FHIT: variants seen among roughly 807,000 people sequenced by gnomAD.
The protein encoded by FHIT is fragile histidine triad diadenosine triphosphatase, also known as bis(5'-adenosyl)-triphosphatase.
In FHIT, 19 loss-of-function variants were observed where a neutral mutation model predicts 17.9. The ratio of observed to expected loss-of-function variants is 1.06; its 90% CI spans 0.74 to 1.56. FHIT has a LOEUF of 1.56. Among genes scored for constraint, FHIT ranks in the 40% most tolerant of loss-of-function variants. FHIT has a pLI of 0.00. For missense variants in FHIT, 248 were observed against 189.2 expected (o/e 1.31, Z -1.82); for synonymous variants, 81 against 69.7 (o/e 1.16, Z -0.81).
intron 3 of FHIT, among the ~76,000 whole-genome samples, chr3:60,868,907 G>C (rs564814754): frequency 6.6e-6 from 1 of 152,238 alleles, no homozygotes; most frequent in Admixed American, 6.5e-5. Flanking sequence ...GGGATAGCAG[G>C]CGAGTGGAAG....
At chr3:60,260,156 G>T (rs893124668) in intron 5 of FHIT, among the ~76,000 whole-genome samples, 2 of 152,034 alleles carry the variant, frequency 1.3e-5, no homozygotes, top group African/African-American at 4.8e-5. Context: ...AAATATTAGT[G>T]TTCTTAAGGA....
In FHIT at chr3:60,027,148, C is replaced by CACACAAAAAA. The variant is rs1553654525; in HGVS notation, c.104-12997_104-12996insTTTTTTGTGT. The stretch of plus-strand genomic sequence containing the variant: ...ACACACACACACACACACACACACA[C>CACACAAAAAA]AAAATTAGTAAACCCAATAATCCAC... On this transcript the variant is annotated intron_variant, in intron 5 of 9. Transcript: ENST00000492590. Among the ~76,000 whole-genome samples the CACACAAAAAA allele has an allele frequency of 5.5e-4, 69 of 125,748 alleles. 1 individual carries two copies. Among genetic ancestry groups the CACACAAAAAA allele is most frequent in the African/African-American group, 1.8e-3 (65 of 36,846 alleles). The allele number at this position is 125,748 out of a possible 152,430, so 82.5% of individuals were successfully genotyped here. A position where few individuals can be genotyped will look rare whatever the true frequency, so the allele number is the denominator to read the frequency against.
rs372590289 is a variant in FHIT at position 60,852,520 on chromosome 3, T to C, written c.-110-30509A>G. Among the ~76,000 whole-genome samples the C allele has an allele frequency of 2.0e-4, 30 of 152,232 alleles. No homozygotes were observed. In the South Asian group the frequency reaches 6.2e-3, roughly 32 times the overall value. On this transcript the variant is annotated intron_variant, in intron 3 of 9. Coordinates refer to ENST00000492590, the MANE Select transcript of FHIT (RefSeq NM_002012.4). The stretch of plus-strand genomic sequence containing the variant: ...ATCCAAAGATGAACAACTTTCTTCA[T>C]CAGTCTGGCACCTAACTGCATGTCT...
chr3:60,632,974 T>G (rs369425120), intron 4 of FHIT, among the ~76,000 whole-genome samples: 19 of 152,150 alleles, frequency 1.2e-4, no homozygotes, highest in African/African-American at 4.3e-4. Flanking sequence ...GGTAGGTATC[T>G]TGTGAGCAAA....
chr3:61,090,759 G>A (rs915650537), intron 2 of FHIT, among the ~76,000 whole-genome samples: 34 of 152,196 alleles, frequency 2.2e-4, no homozygotes, highest in Non-Finnish European at 1.5e-4. Context: ...TCTAAGGACT[G>A]TCTAAAGATA....
At chr3:60,751,771 T>C (rs1306635443) in intron 4 of FHIT, among the ~76,000 whole-genome samples, 1 of 152,164 alleles carries the variant, frequency 6.6e-6, no homozygotes. Context: ...CGTAGGATTA[T>C]ATCCAAAGGA....
chr3:60,769,974 T>G (rs999105934), intron 4 of FHIT, among the ~76,000 whole-genome samples: 59 of 152,150 alleles, frequency 3.9e-4, no homozygotes, highest in Non-Finnish European at 2.2e-4. Flanking sequence ...CCACTCAAAC[T>G]GAGTAAAAAG....
intron 5 of FHIT, among the ~76,000 whole-genome samples, chr3:60,203,820 A>C (rs992923205): frequency 6.6e-6 from 1 of 152,168 alleles, no homozygotes; most frequent in Non-Finnish European, 1.5e-5. Flanking sequence ...AAAAGAAAAA[A>C]ATGGGGGCAA....
chr3:60,484,393 G>A (rs554762087), intron 5 of FHIT, among the ~76,000 whole-genome samples: 2 of 152,298 alleles, frequency 1.3e-5, no homozygotes, highest in African/African-American at 4.8e-5. Flanking sequence ...TAAAGCTGGA[G>A]GTATCAGGCT....
intron 4 of FHIT, among the ~76,000 whole-genome samples, chr3:60,553,749 T>TA: frequency 6.6e-6 from 1 of 152,032 alleles, no homozygotes; most frequent in Non-Finnish European, 1.5e-5. Context: ...GATGAATATC[T>TA]AAAACACCAG....
intron 3 of FHIT, among the ~76,000 whole-genome samples, chr3:60,942,840 T>C (rs1708479431): frequency 6.6e-6 from 1 of 152,208 alleles, no homozygotes; most frequent in African/African-American, 2.4e-5. Flanking sequence ...TATGAGTCTA[T>C]AAATTTCCCT....
At chr3:60,106,053 T>G (rs763698547) in intron 5 of FHIT, among the ~76,000 whole-genome samples, 14 of 152,206 alleles carry the variant, frequency 9.2e-5, no homozygotes, top group Non-Finnish European at 2.1e-4. Context: ...TGTCTCTCAC[T>G]CTGTCTCTTC....
chr3:60,678,598 G>T (rs1212586368), intron 4 of FHIT, among the ~76,000 whole-genome samples: 2 of 152,058 alleles, frequency 1.3e-5, no homozygotes, highest in African/African-American at 4.8e-5. Flanking sequence ...ACAATTTCCA[G>T]GCCTTATCCT....
intron 4 of FHIT, among the ~76,000 whole-genome samples, chr3:60,794,990 C>T (rs565080214): frequency 6.6e-6 from 1 of 152,296 alleles, no homozygotes; most frequent in South Asian, 2.1e-4. Context: ...CCCCCAGATG[C>T]AATCATTGTA....
chr3:59,755,903 A>C (rs1161965518), intron 8 of FHIT, among the ~76,000 whole-genome samples: 1 of 152,200 alleles, frequency 6.6e-6, no homozygotes, highest in African/African-American at 2.4e-5. Context: ...CAAGAAGGCG[A>C]GAGTTAGTTA....
At position 60,113,803 on chromosome 3, in the gene FHIT, C is replaced by A. The variant is rs1380129970; in HGVS notation, c.104-99651G>T. ...GATCACGAGGTGAGGAGATCGAGAC[C>A]ATCCTGGTTAACATGGTGAAACCCC... On this transcript the variant is annotated intron_variant, in intron 5 of 9. Transcript: ENST00000492590. Among the ~76,000 whole-genome samples the A allele has an allele frequency of 2.0e-5, 3 of 149,756 alleles. No homozygotes were observed. In the South Asian group the frequency reaches 6.4e-4, roughly 32 times the overall value.
intron 5 of FHIT, among the ~76,000 whole-genome samples, chr3:60,182,443 C>T (rs1701978500): frequency 6.6e-6 from 1 of 152,134 alleles, no homozygotes; most frequent in Admixed American, 6.5e-5. Flanking sequence ...CATCTAGTCA[C>T]TAGGCAAAAT....
intron 4 of FHIT, among the ~76,000 whole-genome samples, chr3:60,644,043 T>C (rs574143493): frequency 1.3e-5 from 2 of 152,304 alleles, no homozygotes; most frequent in East Asian, 3.9e-4. Context: ...ATCCCATGGC[T>C]GGTAGAGCTT....
chr3:60,371,626 A>G (rs774626074), intron 5 of FHIT, among the ~76,000 whole-genome samples: 14 of 152,180 alleles, frequency 9.2e-5, no homozygotes, highest in East Asian at 1.9e-4. Context: ...TTCTAACATT[A>G]GAGTTATCAT....
Sources: allele counts gnomAD v4.1 joint callset (sites outside exome capture counted in the v4.1 genomes callset), GRCh38; gene constraint gnomAD v4.1.1; transcripts MANE v1.5; gene names NCBI Gene and HGNC (gene_info 2026-07-23, HGNC 2026-07-21).